The following MDGA2 variants were observed in gnomAD, a reference collection of about 807,000 sequenced individuals.
The protein encoded by MDGA2 is MAM domain containing glycosylphosphatidylinositol anchor 2, also known as MAM domain-containing glycosylphosphatidylinositol anchor protein 2.
A neutral mutation model predicts 117.8 loss-of-function variants in MDGA2; 40 were observed. The observed-to-expected ratio is 0.34, with a 90% CI of 0.26 to 0.44. The LOEUF is 0.44. Among genes scored for constraint, MDGA2 ranks in the 20% least tolerant of loss-of-function variants. The pLI, the probability that MDGA2 is intolerant of heterozygous loss-of-function variation, is 1.00. For synonymous variants in MDGA2, 452 were observed against 439.0 expected (o/e 1.03, Z -0.37); for missense variants, 1,123 against 1,250.6 (o/e 0.90, Z 1.54).
At chr14:46,957,247 C>T (rs1326373979) in intron 9 of MDGA2, 127 bp downstream of exon 9, 5 of 885,616 alleles carry the variant, frequency 5.6e-6, no homozygotes, top group South Asian at 2.0e-5. Context: ...GAAACTCTAA[C>T]TTGAGGAGTC....
At chr14:46,992,775 G>T (rs892318656) in intron 8 of MDGA2, among the ~76,000 whole-genome samples, 3 of 152,106 alleles carry the variant, frequency 2.0e-5, no homozygotes, top group African/African-American at 7.2e-5. Flanking sequence ...GATATGCAGA[G>T]AAATTAAATT....
At chr14:46,858,428 C>CTTT (rs71112466) in intron 14 of MDGA2, among the ~76,000 whole-genome samples, 12 of 123,832 alleles carry the variant, frequency 9.7e-5, no homozygotes, top group East Asian at 2.3e-4. Flanking sequence ...TTCTTTTTTT[C>CTTT]TTTTTTTTTT....
In MDGA2 at chr14:47,564,453, G is replaced by A. The variant is rs949624315; in HGVS notation, c.280+110064C>T. Among the ~76,000 whole-genome samples the A allele has an allele frequency of 2.0e-5, 3 of 152,312 alleles. No homozygotes were observed. The East Asian group carries it at 5.8e-4, about 29-fold the overall frequency. The stretch of plus-strand genomic sequence containing the variant: ...CAGGTCACGTCTTTCACAGATGGCA[G>A]CAGGCAAAGAGAGCCAAGCAAAAGG... On this transcript the variant is annotated intron_variant, in intron 1 of 16. Transcript: ENST00000399232.
At chr14:47,199,157 A>G (rs1885398479) in intron 3 of MDGA2, among the ~76,000 whole-genome samples, 1 of 151,688 alleles carries the variant, frequency 6.6e-6, no homozygotes, top group Non-Finnish European at 1.5e-5. Flanking sequence ...GTGGGAGCCA[A>G]TTTCTTAAAA....
intron 10 of MDGA2, among the ~76,000 whole-genome samples, chr14:46,891,413 T>G (rs2138418331): frequency 1.3e-5 from 2 of 151,818 alleles, no homozygotes; most frequent in South Asian, 4.2e-4. Flanking sequence ...TAGCCTTTCT[T>G]ATTCCTGCCC....
intron 1 of MDGA2, among the ~76,000 whole-genome samples, chr14:47,372,421 A>G (rs1309402687): frequency 6.6e-6 from 1 of 151,974 alleles, no homozygotes; most frequent in African/African-American, 2.4e-5. Flanking sequence ...AAAGGAAAAG[A>G]ATTAGCAATT....
intron 1 of MDGA2, among the ~76,000 whole-genome samples, chr14:47,536,125 C>G (rs1315839044): frequency 6.6e-6 from 1 of 152,134 alleles, no homozygotes; most frequent in Non-Finnish European, 1.5e-5. Context: ...AGAAATGGAA[C>G]CCTCCCTCTA....
At chr14:47,300,200 C>G (rs1889229495) in intron 2 of MDGA2, among the ~76,000 whole-genome samples, 1 of 152,140 alleles carries the variant, frequency 6.6e-6, no homozygotes, top group Non-Finnish European at 1.5e-5. Context: ...TCGCTTTTCC[C>G]TCTGTAGCTT....
At position 47,421,555 on chromosome 14, in the gene MDGA2, C is replaced by T. The variant is rs539601415; in HGVS notation, c.281-120005G>A. Among the ~76,000 whole-genome samples, 313 of 152,070 alleles carry T rather than the reference C, an allele frequency of 2.1e-3. 3 individuals are homozygous for T. The highest frequency in any genetic ancestry group is 7.4e-3 in the African/African-American group (306 of 41,520). On this transcript the variant is annotated intron_variant, in intron 1 of 16. Coordinates refer to ENST00000399232, the MANE Select transcript of MDGA2 (RefSeq NM_001113498.3). Reference sequence around the variant, plus strand: ...ATGCTTTGAGTCTGTTATTTAAGGACAAAAAAGTACAACCATACTGTGTTG... The same window carrying T: ...ATGCTTTGAGTCTGTTATTTAAGGATAAAAAAGTACAACCATACTGTGTTG...
At chr14:47,112,128 T>C (rs924088405) in intron 5 of MDGA2, among the ~76,000 whole-genome samples, 1 of 148,204 alleles carries the variant, frequency 6.7e-6, no homozygotes, top group African/African-American at 2.5e-5. Flanking sequence ...TATTCAACAG[T>C]AAAAAAAAGC....
Position 46,840,510 on chromosome 14 carries a change from T to G in MDGA2, c.*1421A>C, listed in dbSNP as rs1008745836. On this transcript the variant is annotated 3_prime_UTR_variant, in exon 17 of 17. Transcript: ENST00000399232. ...GTAGCTCAAAATTATTTTTACAGGT[T>G]TTTGTTTTTTTGTAAAAGTGTTTTT... 4 of 152,492 alleles carry G rather than the reference T, an allele frequency of 2.6e-5. No individual in the cohort carries two copies. The highest frequency in any genetic ancestry group is 9.7e-5 in the African/African-American group (4 of 41,428). 9.4% of individuals were successfully genotyped at this position (152,492 alleles called of 1,614,324 possible).
intron 1 of MDGA2, among the ~76,000 whole-genome samples, chr14:47,310,050 AAAC>A (rs756620656): frequency 1.7e-4 from 26 of 152,162 alleles, no homozygotes; most frequent in African/African-American, 5.3e-4. Context: ...ATCTTCCACA[AAAC>A]AACAAGTGTC....
rs146954651 is a variant in MDGA2, at chr14:47,133,114, A to C, written c.793-1268T>G. ...TAGCATTTTCCTCAGTGGTAAAAAA[A>C]AAAAAAACAAACAAACAAAAAAAAA... On this transcript the variant is annotated intron_variant, in intron 4 of 16. Coordinates refer to ENST00000399232, the MANE Select transcript of MDGA2 (RefSeq NM_001113498.3). Among the ~76,000 whole-genome samples, 514 of 151,066 alleles carry C rather than the reference A, an allele frequency of 3.4e-3. 9 individuals are homozygous for C. The highest frequency in any genetic ancestry group is 0.011 in the African/African-American group (441 of 41,146).
rs574015981 is a variant in MDGA2 at position 47,286,670 on chromosome 14, T to C, written c.420+14741A>G. On this transcript the variant is annotated intron_variant, in intron 2 of 16. Coordinates refer to ENST00000399232, the MANE Select transcript of MDGA2 (RefSeq NM_001113498.3). ...TTCGGTTGATTCTGTATCTTGGCTA[T>C]TGTGAATGGTGCTGCAATAGATCCC... 4.6e-5 allele frequency among the ~76,000 whole-genome samples: 7 copies of C among 151,896 alleles called. 1 individual carries two copies. The East Asian group carries it at 1.4e-3, about 30-fold the overall frequency.
intron 5 of MDGA2, among the ~76,000 whole-genome samples, chr14:47,128,082 C>T (rs1386106320): frequency 6.6e-6 from 1 of 152,066 alleles, no homozygotes; most frequent in Non-Finnish European, 1.5e-5. Context: ...TGATAAAAAT[C>T]ACATCTACAA....
chr14:47,059,107 T>C (rs950508818), intron 7 of MDGA2: 9 of 1,052,440 alleles, frequency 8.6e-6, no homozygotes, highest in Non-Finnish European at 1.1e-5. Flanking sequence ...GTCTATATTA[T>C]AGAGACAATG....
intron 1 of MDGA2, among the ~76,000 whole-genome samples, chr14:47,534,586 C>T (rs1410364048): frequency 6.6e-6 from 1 of 152,066 alleles, no homozygotes; most frequent in Non-Finnish European, 1.5e-5. Flanking sequence ...CTCATTATCA[C>T]AAGAATAGCA....
intron 6 of MDGA2, among the ~76,000 whole-genome samples, chr14:47,087,051 G>C (rs1469862112): frequency 6.6e-6 from 1 of 152,024 alleles, no homozygotes; most frequent in South Asian, 2.1e-4. Context: ...TTATTTTCCT[G>C]GTTTAATATC....
intron 7 of MDGA2, among the ~76,000 whole-genome samples, chr14:47,053,648 TATATATACACACACACACACAC>T (rs1889551116): frequency 4.7e-5 from 2 of 42,240 alleles, no homozygotes; most frequent in Admixed American, 4.8e-4. Flanking sequence ...TATATATATA[TATATATACACACACACACACAC>T]ATATATATAT....
Sources: gnomAD v4.1 joint callset for allele counts (sites outside exome capture counted in the v4.1 genomes callset) on GRCh38, gnomAD v4.1.1 for gene constraint, MANE v1.5 for transcripts, NCBI Gene and HGNC (gene_info 2026-07-23, HGNC 2026-07-21) for gene names.